ZNF709: variants seen among roughly 807,000 people sequenced by gnomAD.
The protein encoded by ZNF709 is zinc finger protein 709.
Under a neutral mutation model 10.6 loss-of-function variants are expected in ZNF709, and 15 were observed. The observed-to-expected ratio is 1.41, with a 90% confidence interval of 0.95 to 2.18. ZNF709 has a LOEUF of 2.18. ZNF709 is among the 30% of genes most tolerant of loss of function. The pLI, the probability that ZNF709 is intolerant of heterozygous loss-of-function variation, is 0.00. For synonymous variants in ZNF709, 194 were observed against 238.8 expected (o/e 0.81, Z 1.73); for missense variants, 589 against 774.0 (o/e 0.76, Z 2.84).
At chr19:12,481,325 C>T (rs372359459) in intron 1 of ZNF709, 33 of 263,452 alleles carry the variant, frequency 1.3e-4, no homozygotes, top group Admixed American at 5.9e-4. Context: ...CCCTGCAACC[C>T]GGGGTTCAAG....
Position 12,484,790 on chromosome 19 carries a change from G to C in ZNF709, c.-133C>G. ...GGAGACCCCAGAGCGGAGCGCAGCG[G>C]CTGGTAGCCACGCCCTCGCCGTTTG... On this transcript the variant is annotated 5_prime_UTR_variant, in exon 1 of 4. Coordinates refer to ENST00000397732, the MANE Select transcript of ZNF709 (RefSeq NM_152601.4). 3.1e-6 allele frequency: 4 copies of C among 1,269,952 alleles called. No individual in the cohort carries two copies. Among genetic ancestry groups the C allele is most frequent in the Non-Finnish European group, 4.4e-6 (4 of 905,812 alleles). The allele number at this position is 1,269,952 out of a possible 1,614,324, so 78.7% of individuals were successfully genotyped here.
chr19:12,472,372 A>G (rs1424266115), intron 1 of ZNF709, among the ~76,000 whole-genome samples: 1 of 151,830 alleles, frequency 6.6e-6, no homozygotes, highest in Non-Finnish European at 1.5e-5. Flanking sequence ...AAATACAAAA[A>G]TTAGCCAGGC....
Position 12,465,345 on chromosome 19 carries a change from C to T in ZNF709, c.577G>A (p.Glu193Lys), listed in dbSNP as rs550923838. 2.5e-6 allele frequency: 4 copies of T among 1,613,346 alleles called. No individual in the cohort carries two copies. Among genetic ancestry groups the T allele is most frequent in the South Asian group, 2.2e-5 (2 of 90,902 alleles). The change falls in exon 4 of 4, where the codon GAG (glutamate) becomes AAG (lysine). Residue 193 changes from glutamate (E) to lysine (K), a missense_variant. By Grantham distance (56) the Glu-to-Lys change is moderately conservative. Transcript: ENST00000397732. ...CATTCCTTACATTCATAAGGTTTCT[C>T]TCCAGTATGAGTTCTTTCATGTATT... ...FQIHERTHTG[E>K]KPYECKECGK...
chr19:12,466,196 C>T (rs1000279050), intron 3 of ZNF709, among the ~76,000 whole-genome samples: 3 of 152,162 alleles, frequency 2.0e-5, no homozygotes, highest in Non-Finnish European at 4.4e-5. Context: ...CCACCTTGGC[C>T]TCCCAAAGTG....
At chr19:12,477,272 ACT>A (rs1296780622) in intron 1 of ZNF709, among the ~76,000 whole-genome samples, 29 of 152,212 alleles carry the variant, frequency 1.9e-4, no homozygotes, top group Non-Finnish European at 8.8e-5. Flanking sequence ...TTTACATAAT[ACT>A]TTTCAACCCT....
chr19:12,473,917 T>C (rs1467996402), intron 1 of ZNF709, among the ~76,000 whole-genome samples: 1 of 152,116 alleles, frequency 6.6e-6, no homozygotes, highest in East Asian at 1.9e-4. Context: ...GTGGTGGCAT[T>C]TGCCTGTAGT....
At chr19:12,472,995 CT>C (rs1970646908) in intron 1 of ZNF709, among the ~76,000 whole-genome samples, 1 of 152,212 alleles carries the variant, frequency 6.6e-6, no homozygotes, top group Admixed American at 6.5e-5. Flanking sequence ...CAATTAGCTA[CT>C]CCCAAGTATT....
chr19:12,483,777 T>G (rs943523239), intron 1 of ZNF709, among the ~76,000 whole-genome samples: 1 of 152,114 alleles, frequency 6.6e-6, no homozygotes, highest in Non-Finnish European at 1.5e-5. Flanking sequence ...TACGTATATT[T>G]TACATTTTTT....
intron 1 of ZNF709, among the ~76,000 whole-genome samples, chr19:12,475,145 C>G (rs1020815928): frequency 6.7e-6 from 1 of 150,072 alleles, no homozygotes; most frequent in Non-Finnish European, 1.5e-5. Context: ...GTAGTCCCAG[C>G]TACTTGGGAG....
chr19:12,479,572 T>C (rs1394582716), intron 1 of ZNF709, among the ~76,000 whole-genome samples: 1 of 152,086 alleles, frequency 6.6e-6, no homozygotes, highest in African/African-American at 2.4e-5. Flanking sequence ...TATGAAACAA[T>C]CCTAAGACTT....
rs1232516731 is a variant in ZNF709 at position 12,462,075 on chromosome 19, AAAAGAAAGT to A, written c.*1912_*1920del. 6.6e-6 allele frequency: 1 copy of A among 152,222 alleles called. No individual in the cohort carries two copies. The highest frequency in any genetic ancestry group is 6.6e-5 in the Admixed American group (1 of 15,256). 9.4% of individuals were successfully genotyped at this position (152,222 alleles called of 1,614,324 possible). On this transcript the variant is annotated 3_prime_UTR_variant, in exon 4 of 4. Coordinates refer to ENST00000397732, the MANE Select transcript of ZNF709 (RefSeq NM_152601.4). The stretch of plus-strand genomic sequence containing the variant: ...CGACAGAGCAAGACTCCATCTCGGA[AAAAGAAAGT>A]AAAGAAAGAAAAGAAAGGGAAAGGG...
chr19:12,479,336 T>TG (rs1387082962), intron 1 of ZNF709, among the ~76,000 whole-genome samples: 2 of 151,992 alleles, frequency 1.3e-5, no homozygotes, highest in Admixed American at 6.6e-5. Flanking sequence ...AGTGAGTATT[T>TG]GGGGGGTGGC....
rs1198915235 is a variant in ZNF709 at position 12,464,856 on chromosome 19, TC to T, written c.1065del (p.Met355IlefsTer2). Reference sequence around the variant, plus strand: ...TAAGGTCCATTTCCAGTGTGCATTATCATATGTCTTCGATAGCTTGGAAGAG... The same window carrying T: ...TAAGGTCCATTTCCAGTGTGCATTATATATGTCTTCGATAGCTTGGAAGAG... ...FISLPSYRRH[M>X]IMHTGNGPYK... On this transcript the variant is annotated frameshift_variant, in exon 4 of 4. Transcript: ENST00000397732. LOFTEE classifies it low-confidence loss of function (END_TRUNC). 6.2e-7 allele frequency: 1 copy of T among 1,613,976 alleles called. No homozygotes were observed. Among genetic ancestry groups the T allele is most frequent in the African/African-American group, 1.3e-5 (1 of 74,944 alleles).
chr19:12,482,517 T>G (rs1599637052), intron 1 of ZNF709, among the ~76,000 whole-genome samples: 1 of 152,060 alleles, frequency 6.6e-6, no homozygotes, highest in East Asian at 1.9e-4. Context: ...CCAAATGAAC[T>G]CCCCAGTTCA....
chr19:12,467,393 T>C (rs1394752881), intron 1 of ZNF709, among the ~76,000 whole-genome samples: 1 of 152,230 alleles, frequency 6.6e-6, no homozygotes, highest in Non-Finnish European at 1.5e-5. Flanking sequence ...TCTGCCAGCC[T>C]CGGCCTCCCG....
chr19:12,479,743 G>A (rs982823058), intron 1 of ZNF709, among the ~76,000 whole-genome samples: 7 of 151,996 alleles, frequency 4.6e-5, no homozygotes, highest in Admixed American at 1.3e-4. Flanking sequence ...GGTGGTGCAC[G>A]CATGTAGTCC....
At chr19:12,466,326 C>T (rs542391558) in intron 3 of ZNF709, 136 bp downstream of exon 3, 234 of 796,816 alleles carry the variant, frequency 2.9e-4, no homozygotes, top group Middle Eastern at 3.0e-4. Context: ...TTTAAGAAAA[C>T]GTTCTTGGCA....
rs1340273104 is a variant in ZNF709, at chr19:12,462,758, C to A, written c.*1238G>T. 6.6e-6 allele frequency: 1 copy of A among 152,038 alleles called. No homozygotes were observed. Among genetic ancestry groups the A allele is most frequent in the Non-Finnish European group, 1.5e-5 (1 of 67,992 alleles). The allele number at this position is 152,038 out of a possible 1,614,324, so 9.4% of individuals were successfully genotyped here. A position where few individuals can be genotyped will look rare whatever the true frequency, so the allele number is the denominator to read the frequency against. ...ATTGTCATTTTTTGATGGCCCATTACAGCACAACTAAAAAATACATAAAAA... is the reference window on the plus strand; with the variant it reads ...ATTGTCATTTTTTGATGGCCCATTAAAGCACAACTAAAAAATACATAAAAA... On this transcript the variant is annotated 3_prime_UTR_variant, in exon 4 of 4. Transcript: ENST00000397732.
chr19:12,475,257 T>TAAAA (rs71166684), intron 1 of ZNF709, among the ~76,000 whole-genome samples: 467 of 44,714 alleles, frequency 0.01, 38 homozygotes, highest in African/African-American at 0.015. Context: ...GATTCCGTCT[T>TAAAA]AAAAAAAAAA....
Sources: allele counts gnomAD v4.1 joint callset (sites outside exome capture counted in the v4.1 genomes callset), GRCh38; gene constraint gnomAD v4.1.1; transcripts MANE v1.5; gene names NCBI Gene and HGNC (gene_info 2026-07-23, HGNC 2026-07-21).